ANKMY1: variants seen among roughly 807,000 people sequenced by gnomAD.
The protein encoded by ANKMY1 is ankyrin repeat and MYND domain-containing protein 1.
A neutral mutation model predicts 102.0 loss-of-function variants in ANKMY1; 98 were observed. That is an observed-to-expected ratio of 0.96 (90% CI 0.82 to 1.14). ANKMY1 has a LOEUF of 1.14. Among genes scored for constraint, ANKMY1 ranks in the 50% most tolerant of loss-of-function variants. The pLI is 0.00. For synonymous variants in ANKMY1, 582 were observed against 559.9 expected, an observed-to-expected ratio of 1.04 and a Z score of -0.56; for missense variants, 1,330 against 1,347.6, an observed-to-expected ratio of 0.99 and a Z score of 0.20.
In ANKMY1 at chr2:240,511,943, T is replaced by C. The variant is rs982771913; in HGVS notation, c.2204A>G (p.Tyr735Cys). ...CGGGAGGGCTGTGTCCGTGCTGTAG[T>C]AGGCTTGGGGAGGGCCTGGCTCATT... is the stretch of plus-strand genomic sequence containing the variant. ...LSNEPGPPQA[Y>C]YSTDTALPEE... Residue 735 changes from tyrosine (Y) to cysteine (C), a missense_variant, in exon 11 of 18, where the codon TAC becomes TGC. Physicochemically the swap from Tyr to Cys is radical, Grantham distance 194. Transcript: ENST00000401804. 2 of 1,572,404 alleles carry C rather than the reference T, an allele frequency of 1.3e-6. No homozygotes were observed. Among genetic ancestry groups the C allele is most frequent in the Non-Finnish European group, 1.7e-6 (2 of 1,166,678 alleles).
chr2:240,515,066 A>C (rs1202752514), intron 9 of ANKMY1, among the ~76,000 whole-genome samples: 1 of 152,256 alleles, frequency 6.6e-6, no homozygotes, highest in African/African-American at 2.4e-5. Context: ...AGGCCCAGAG[A>C]CTATCGTAAA....
downstream of ANKMY1, among the ~76,000 whole-genome samples, chr2:240,476,027 ATACTC>A: frequency 6.6e-6 from 1 of 152,354 alleles, no homozygotes; most frequent in East Asian, 1.9e-4. Context: ...GAATCACAAA[ATACTC>A]TAAACAGCTA....
Position 240,525,813 on chromosome 2 carries a change from C to T in ANKMY1, c.1207G>A (p.Asp403Asn), listed in dbSNP as rs748265430. The T allele has an allele frequency of 1.9e-6, 3 of 1,614,054 alleles. No individual in the cohort carries two copies. The highest frequency in any genetic ancestry group is 3.3e-5 in the Admixed American group (2 of 60,016). ...CACTTGTTCACGTCGGCCCCACAGTCCAGGAGAAGGTTGACAATGTCGTTG... is the reference window on the plus strand; with the variant it reads ...CACTTGTTCACGTCGGCCCCACAGTTCAGGAGAAGGTTGACAATGTCGTTG... ...CHNDIVNLLL[D>N]CGADVNKCSD... The change falls in exon 7 of 18, where the codon GAC (aspartate) becomes AAC (asparagine). Residue 403 changes from aspartate (D) to asparagine (N), a missense_variant. Transcript: ENST00000401804.
the ANKMY1 span, among the ~76,000 whole-genome samples, chr2:240,473,344 C>G: frequency 6.8e-6 from 1 of 147,128 alleles, no homozygotes; most frequent in Non-Finnish European, 1.5e-5. Context: ...AAAAAAGAAC[C>G]AAATAGAAGT....
In ANKMY1 at chr2:240,531,961, C is replaced by G. The variant is rs141430178; in HGVS notation, c.481-2452G>C. 1.4e-4 allele frequency: 32 copies of G among 229,028 alleles called. No homozygotes were observed. The East Asian group carries it at 4.3e-3, about 31-fold the overall frequency. 14.2% of individuals were successfully genotyped at this position (229,028 alleles called of 1,614,324 possible). A position where few individuals can be genotyped will look rare whatever the true frequency, so the allele number is the denominator to read the frequency against. ...AATTTTAGTGGAAGAATAGCATGTTCAATATATAAAAATGGAAGACACAGA... is the reference window on the plus strand; with the variant it reads ...AATTTTAGTGGAAGAATAGCATGTTGAATATATAAAAATGGAAGACACAGA... On this transcript the variant is annotated intron_variant, in intron 4 of 17. Coordinates refer to ENST00000401804, the MANE Select transcript of ANKMY1 (RefSeq NM_001282771.3).
At position 240,520,432 on chromosome 2, in the gene ANKMY1, G is replaced by T. The variant is rs1347245201; in HGVS notation, c.1934C>A (p.Ala645Asp). The change falls in exon 9 of 18, where the codon GCC becomes GAC. Residue 645 changes from alanine (A) to aspartate (D), a missense_variant. Ala to Asp is a moderately radical substitution (Grantham distance 126). Coordinates refer to ENST00000401804, the MANE Select transcript of ANKMY1 (RefSeq NM_001282771.3). The surrounding 1 kb of genome is among the most constrained non-coding windows in gnomAD (Gnocchi z 4.8). The stretch of plus-strand genomic sequence containing the variant: ...CAGCCTCACCCCATCCACGTCCCCG[G>T]CCTTCACAGCAAGGAACAGGACCTG... ...PMQVLFLAVK[A>D]GDVDGVRLLL... 19 of 1,612,024 alleles carry T rather than the reference G, an allele frequency of 1.2e-5. No individual in the cohort carries two copies. Among genetic ancestry groups the T allele is most frequent in the Non-Finnish European group, 1.5e-5 (18 of 1,179,276 alleles).
intron 11 of ANKMY1, 53 bp downstream of exon 11, chr2:240,511,808 T>C: frequency 1.3e-6 from 2 of 1,516,914 alleles, no homozygotes; most frequent in Non-Finnish European, 1.7e-6. Flanking sequence ...CCCTGGAAGG[T>C]GGCCCCACCG....
Position 240,480,990 on chromosome 2 carries a change from G to A in ANKMY1, c.2993C>T (p.Thr998Ile). Residue 998 changes from threonine to isoleucine, a missense_variant, in exon 17 of 18, where the codon ACC becomes ATC. Physicochemically the swap from Thr to Ile is moderately conservative, Grantham distance 89. Transcript: ENST00000401804. The stretch of plus-strand genomic sequence containing the variant: ...CTTGTGGAACTCGGTCCAGGCCTTG[G>A]TCTTGCAGTACTTGCTGCAGGTCAG... ...GILTCSKYCK[T>I]KAWTEFHKKD... 4 of 1,613,942 alleles carry A rather than the reference G, an allele frequency of 2.5e-6. No homozygotes were observed. The highest frequency in any genetic ancestry group is 3.4e-6 in the Non-Finnish European group (4 of 1,179,846).
At chr2:240,530,945 TAA>T (rs56890629) in intron 4 of ANKMY1, among the ~76,000 whole-genome samples, 9 of 142,656 alleles carry the variant, frequency 6.3e-5, no homozygotes, top group Non-Finnish European at 6.1e-5. Context: ...TAAAATAAAG[TAA>T]AAAAAAAAAA....
intron 9 of ANKMY1, 134 bp from the exon 10 acceptor site, chr2:240,513,076 C>A (rs2080548750): frequency 7.9e-7 from 1 of 1,266,146 alleles, no homozygotes; most frequent in African/African-American, 1.5e-5. Flanking sequence ...ACCTGCCTCA[C>A]AACGTGCAGG....
chr2:240,526,615 A>C (rs10933612), intron 5 of ANKMY1, 170 bp from the exon 6 acceptor site: 17 of 1,455,812 alleles, frequency 1.2e-5, no homozygotes, highest in Non-Finnish European at 1.4e-5. Flanking sequence ...AGCTGCTCAC[A>C]ATCCACTAGG....
the ANKMY1 span, among the ~76,000 whole-genome samples, chr2:240,470,268 G>A: frequency 6.6e-6 from 1 of 152,206 alleles, no homozygotes; most frequent in East Asian, 1.9e-4. Context: ...ATAACTGGGC[G>A]TCCATCTCTC....
chr2:240,517,923 T>C (rs959398597), intron 9 of ANKMY1, among the ~76,000 whole-genome samples: 1 of 152,132 alleles, frequency 6.6e-6, no homozygotes, highest in Non-Finnish European at 1.5e-5. Context: ...AAGTGGGGGA[T>C]TGGAAAGAAA....
chr2:240,496,662 TCA>T (rs2077308750), intron 15 of ANKMY1, among the ~76,000 whole-genome samples: 1 of 152,232 alleles, frequency 6.6e-6, no homozygotes, highest in African/African-American at 2.4e-5. Context: ...TTGGGTTTGT[TCA>T]CAGTGACCCT....
At chr2:240,552,582 G>C (rs140532365) in intron 4 of ANKMY1, among the ~76,000 whole-genome samples, 114 of 152,286 alleles carry the variant, frequency 7.5e-4, no homozygotes, top group African/African-American at 2.7e-3. Context: ...ATCTGTATTT[G>C]AAAGACTAGG....
At chr2:240,501,049 GGTATGT>G (rs1210546259) in intron 13 of ANKMY1, among the ~76,000 whole-genome samples, 1 of 151,406 alleles carries the variant, frequency 6.6e-6, no homozygotes, top group East Asian at 1.9e-4. Context: ...TGCATGCATG[GGTATGT>G]GTATGTGTGT....
intron 4 of ANKMY1, among the ~76,000 whole-genome samples, chr2:240,550,719 ATG>A (rs1239453961): frequency 1.3e-5 from 2 of 152,156 alleles, no homozygotes; most frequent in Non-Finnish European, 2.9e-5. Flanking sequence ...TGTTATTAAT[ATG>A]TGTTCCAGGA....
downstream of ANKMY1, among the ~76,000 whole-genome samples, chr2:240,475,152 T>G (rs781561027): frequency 6.6e-6 from 1 of 152,230 alleles, no homozygotes; most frequent in Non-Finnish European, 1.5e-5. Flanking sequence ...TGGTTTTGAT[T>G]TGCAGTTCTC....
upstream of ANKMY1, chr2:240,557,995 C>G (rs1575410804): frequency 1.0e-6 from 1 of 985,308 alleles, no homozygotes; most frequent in Non-Finnish European, 1.2e-6. Flanking sequence ...CTACGGAGAG[C>G]GTCGCGTTTC....
Sources: gnomAD v4.1 joint callset for allele counts (sites outside exome capture counted in the v4.1 genomes callset) on GRCh38, gnomAD v4.1.1 for gene constraint, Gnocchi (gnomAD v3.1) non-coding constraint, MANE v1.5 for transcripts, NCBI Gene and HGNC (gene_info 2026-07-23, HGNC 2026-07-21) for gene names.